Variants in HERC5 observed in about 807,000 individuals in gnomAD.
HERC5 encodes E3 ISG15--protein ligase HERC5.
Under a neutral mutation model 119.6 loss-of-function variants are expected in HERC5, and 99 were observed. The observed-to-expected ratio is 0.83, with a 90% CI of 0.70 to 0.98. The LOEUF (loss-of-function observed/expected upper bound fraction) is 0.98. Ranked by LOEUF, HERC5 falls within the 50% of genes least tolerant of loss-of-function variation. The pLI is 0.00. For missense variants in HERC5, 1,267 were observed against 1,241.3 expected, an observed-to-expected ratio of 1.02 and a Z score of -0.31; for synonymous variants, 478 against 445.9, an observed-to-expected ratio of 1.07 and a Z score of -0.91.
intron 16 of HERC5, among the ~76,000 whole-genome samples, chr4:88,489,772 G>A (rs1741576530): frequency 6.6e-6 from 1 of 152,196 alleles, no homozygotes; most frequent in South Asian, 2.1e-4. Context: ...GCTTTGGGAT[G>A]CTGAAGCAGG....
At chr4:88,464,315 A>G (rs1390505760) in intron 6 of HERC5, among the ~76,000 whole-genome samples, 1 of 152,002 alleles carries the variant, frequency 6.6e-6, no homozygotes, top group African/African-American at 2.4e-5. Context: ...ATAAAATGTA[A>G]ATCACAAAGG....
intron 13 of HERC5, among the ~76,000 whole-genome samples, chr4:88,480,379 T>C (rs1313887879): frequency 6.6e-6 from 1 of 152,132 alleles, no homozygotes; most frequent in East Asian, 1.9e-4. Context: ...TGTATGAATA[T>C]ACCATACTTA....
Position 88,459,441 on chromosome 4 carries a change from G to C in HERC5, c.360G>C (p.Glu120Asp). 1 of 1,583,132 alleles carries C rather than the reference G, an allele frequency of 6.3e-7. No homozygotes were observed. Among genetic ancestry groups the C allele is most frequent in the East Asian group, 2.3e-5 (1 of 43,894 alleles). ...LILSSDGKPFEYDNYSMKHLR... is the reference protein window; with the variant it reads ...LILSSDGKPFDYDNYSMKHLR... ...TCTCATCAGATGGAAAACCATTTGAGTATGACAACTATAGCATGAAACATC... is the reference window on the plus strand; with the variant it reads ...TCTCATCAGATGGAAAACCATTTGACTATGACAACTATAGCATGAAACATC... Residue 120 changes from glutamate (E) to aspartate (D), a missense_variant, in exon 2 of 23, where the codon GAG (glutamate) becomes GAC (aspartate). Physicochemically the swap from Glu to Asp is conservative, Grantham distance 45 (BLOSUM62 2). This residue lies in a region of HERC5 where 777 missense variants were observed against 758.0 expected (regional missense o/e 1.03). Transcript: ENST00000264350.
intron 19 of HERC5, 43 bp downstream of exon 19, chr4:88,500,035 A>T: frequency 3.4e-6 from 4 of 1,193,726 alleles, no homozygotes; most frequent in Non-Finnish European, 4.9e-6. Flanking sequence ...TTTTAATCTG[A>T]TTAACCCTTT....
At chr4:88,472,051 A>G (rs1740891571) in intron 10 of HERC5, among the ~76,000 whole-genome samples, 2 of 150,196 alleles carry the variant, frequency 1.3e-5, no homozygotes, top group Middle Eastern at 3.4e-3. Context: ...GCTGGAGTAC[A>G]GTGGCATGTT....
rs1329363616 is a variant in HERC5, at chr4:88,504,576, G to C, written c.2848G>C (p.Glu950Gln). ...GAAGGCTTTCCACAAATTGACTCTG[G>C]AAGAAAAGAAAAAATTCCTTGGTAA... ...FWKAFHKLTL[E>Q]EKKKFLVFLT... The change falls in exon 22 of 23, where the codon GAA becomes CAA. Residue 950 changes from glutamate to glutamine, a missense_variant. Glu to Gln is a conservative substitution (Grantham distance 29). Transcript: ENST00000264350. 1 of 1,564,010 alleles carries C rather than the reference G, an allele frequency of 6.4e-7. No individual in the cohort carries two copies. Among genetic ancestry groups the C allele is most frequent in the East Asian group, 2.3e-5 (1 of 44,342 alleles).
At position 88,475,944 on chromosome 4, in the gene HERC5, T is replaced by C. The variant is rs1295658547; in HGVS notation, c.1496T>C (p.Met499Thr). 1 of 1,614,024 alleles carries C rather than the reference T, an allele frequency of 6.2e-7. No homozygotes were observed. The highest frequency in any genetic ancestry group is 2.2e-5 in the East Asian group (1 of 44,862). The change falls in exon 12 of 23, where the codon ATG becomes ACG. Residue 499 changes from methionine to threonine, a missense_variant. Met to Thr is a moderately conservative substitution (Grantham distance 81). Around this residue, in one of 3 missense-constraint regions of HERC5, gnomAD observed 777 missense variants for 758.0 expected, o/e 1.03. Transcript: ENST00000264350. Reference sequence around the variant, plus strand: ...TTCCTTCTCCCAGAATGTCCTATGATGCATATTTCCAACAACTGGGAGAGC... The same window carrying C: ...TTCCTTCTCCCAGAATGTCCTATGACGCATATTTCCAACAACTGGGAGAGC... ...IFFLLPECPM[M>T]HISNNWESLV...
chr4:88,458,508 A>C (rs1740274506), intron 1 of HERC5, among the ~76,000 whole-genome samples: 1 of 151,922 alleles, frequency 6.6e-6, no homozygotes, highest in Non-Finnish European at 1.5e-5. Context: ...TCCCAATACC[A>C]TTTCTTAATA....
At position 88,467,187 on chromosome 4, in the gene HERC5, G is replaced by A; in HGVS notation, c.1040G>A (p.Ser347Asn). The part of the protein sequence containing the change: ...LMPLPVKVSS[S>N]EELKLESHTS... The stretch of plus-strand genomic sequence containing the variant: ...CCGCTTCCAGTGAAAGTATCATCAA[G>A]TGAAGAACTCAAACTTGGTAAATTC... The change falls in exon 7 of 23, where the codon AGT becomes AAT. Residue 347 changes from serine (S) to asparagine (N), a missense_variant. Physicochemically the swap from Ser to Asn is conservative, Grantham distance 46. Around this residue, in one of 3 missense-constraint regions of HERC5, gnomAD observed 777 missense variants for 758.0 expected, o/e 1.03. Transcript: ENST00000264350. 7.4e-6 allele frequency: 12 copies of A among 1,614,152 alleles called. No homozygotes were observed. Among genetic ancestry groups the A allele is most frequent in the Non-Finnish European group, 1.0e-5 (12 of 1,180,004 alleles).
At chr4:88,490,170 A>G (rs1042293190) in intron 16 of HERC5, among the ~76,000 whole-genome samples, 4 of 152,230 alleles carry the variant, frequency 2.6e-5, no homozygotes, top group Admixed American at 1.3e-4. Flanking sequence ...ATTAGTAAAT[A>G]TTTGATACTG....
At chr4:88,469,375 T>C in intron 9 of HERC5, 115 bp downstream of exon 9, 1 of 715,618 alleles carries the variant, frequency 1.4e-6, no homozygotes, top group Non-Finnish European at 2.5e-6. Flanking sequence ...AGAAACAAAC[T>C]CATAGGATAT....
At position 88,462,274 on chromosome 4, in the gene HERC5, C is replaced by T; in HGVS notation, c.606C>T (p.His202=). 2 of 1,614,196 alleles carry T rather than the reference C, an allele frequency of 1.2e-6. No homozygotes were observed. The highest frequency in any genetic ancestry group is 2.2e-5 in the South Asian group (2 of 91,080). Residue 202 remains histidine (H), a synonymous_variant, in exon 4 of 23, where the codon CAC becomes CAT. Transcript: ENST00000264350. The part of the protein sequence containing the change: ...PLAQISAGEA[H]SMALSMSGNI... ...CTCAGATTTCTGCCGGAGAAGCCCACAGCATGGCCTTATCCATGTCTGGCA... is the reference window on the plus strand; with the variant it reads ...CTCAGATTTCTGCCGGAGAAGCCCATAGCATGGCCTTATCCATGTCTGGCA...
At chr4:88,463,491 A>G (rs1740523001) in intron 4 of HERC5, 41 bp from the exon 5 acceptor site, 1 of 1,377,624 alleles carries the variant, frequency 7.3e-7, no homozygotes, top group Non-Finnish European at 1.0e-6. Context: ...GAAACTCAGC[A>G]TTTCCTTTTG....
At chr4:88,460,321 A>C in intron 3 of HERC5, 150 bp downstream of exon 3, 1 of 459,144 alleles carries the variant, frequency 2.2e-6, no homozygotes, top group East Asian at 3.5e-5. Flanking sequence ...AAGTAAATAC[A>C]TAATGAGAGA....
chr4:88,492,652 A>G (rs1365393909), intron 16 of HERC5, among the ~76,000 whole-genome samples: 2 of 152,172 alleles, frequency 1.3e-5, no homozygotes, highest in East Asian at 3.9e-4. Flanking sequence ...GGGCTGAGGC[A>G]GGAGAATCGC....
At chr4:88,489,969 A>G (rs1008303126) in intron 16 of HERC5, among the ~76,000 whole-genome samples, 7 of 152,280 alleles carry the variant, frequency 4.6e-5, no homozygotes, top group African/African-American at 1.4e-4. Context: ...AGATCATGCC[A>G]CTGCATTCCG....
Position 88,457,327 on chromosome 4 carries a change from G to T in HERC5, c.58G>T (p.Ala20Ser). The T allele has an allele frequency of 7.1e-7, 1 of 1,399,534 alleles. No individual in the cohort carries two copies. Among genetic ancestry groups the T allele is most frequent in the Non-Finnish European group, 9.3e-7 (1 of 1,080,092 alleles). The allele number at this position is 1,399,534 out of a possible 1,614,324, so 86.7% of individuals were successfully genotyped here. A position where few individuals can be genotyped will look rare whatever the true frequency, so the allele number is the denominator to read the frequency against. Residue 20 changes from alanine to serine, a missense_variant, in exon 1 of 23, where the codon GCC (alanine) becomes TCC (serine). Transcript: ENST00000264350. ...CAACGGGCGCTCGACCGCGGGCAAG[G>T]CCGCCGCGACCCAGCCCGCGAAGTC... is the stretch of plus-strand genomic sequence containing the variant. Reference protein sequence around the residue: ...RRNGRSTAGKAAATQPAKSPG... With the variant: ...RRNGRSTAGKSAATQPAKSPG...
intron 18 of HERC5, among the ~76,000 whole-genome samples, chr4:88,497,697 A>G (rs1408016842): frequency 2.6e-5 from 4 of 152,234 alleles, no homozygotes; most frequent in Admixed American, 1.3e-4. Flanking sequence ...CAGGCTGGCC[A>G]TGTTGTAAAG....
Position 88,457,438 on chromosome 4 carries a change from T to C in HERC5, c.169T>C (p.Cys57Arg). 5 of 1,352,302 alleles carry C rather than the reference T, an allele frequency of 3.7e-6. No individual in the cohort carries two copies. Among genetic ancestry groups the C allele is most frequent in the South Asian group, 1.9e-5 (1 of 52,262 alleles). The allele number at this position is 1,352,302 out of a possible 1,614,324, so 83.8% of individuals were successfully genotyped here. A position where few individuals can be genotyped will look rare whatever the true frequency, so the allele number is the denominator to read the frequency against. ...GAGGGTGGAGGTGACGCGCCAACTCTGCTGCTCGCCGGGGCGCCTCGCGGT... is the reference window on the plus strand; with the variant it reads ...GAGGGTGGAGGTGACGCGCCAACTCCGCTGCTCGCCGGGGCGCCTCGCGGT... Reference protein sequence around the residue: ...LRRVEVTRQLCCSPGRLAVLE... With the variant: ...LRRVEVTRQLRCSPGRLAVLE... The change falls in exon 1 of 23, where the codon TGC (cysteine) becomes CGC (arginine). Residue 57 changes from cysteine to arginine, a missense_variant. By Grantham distance (180) the Cys-to-Arg change is radical. Around this residue, in one of 3 missense-constraint regions of HERC5, gnomAD observed 777 missense variants for 758.0 expected, o/e 1.03. Coordinates refer to ENST00000264350, the MANE Select transcript of HERC5 (RefSeq NM_016323.4).
Sources: allele counts gnomAD v4.1 joint callset (sites outside exome capture counted in the v4.1 genomes callset), GRCh38; gene constraint gnomAD v4.1.1; regional missense constraint gnomAD v4.1.1; transcripts MANE v1.5; gene names NCBI Gene and HGNC (gene_info 2026-07-23, HGNC 2026-07-21).